DNAJC15: variants seen among roughly 807,000 people sequenced by gnomAD.
The protein encoded by DNAJC15 is DnaJ heat shock protein family (Hsp40) member C15.
DNAJC15 carries 27 observed loss-of-function variants against 22.4 expected under a neutral mutation model. The observed-to-expected ratio is 1.20, with a 90% CI of 0.89 to 1.66. The LOEUF (loss-of-function observed/expected upper bound fraction) is 1.66. Among genes scored for constraint, DNAJC15 ranks in the 40% most tolerant of loss-of-function variants. The pLI is 0.00. For missense variants in DNAJC15, 208 were observed against 187.1 expected (o/e 1.11, Z -0.65); for synonymous variants, 79 against 63.2 (o/e 1.25, Z -1.19).
intron 5 of DNAJC15, among the ~76,000 whole-genome samples, chr13:43,102,689 A>G (rs1233641305): frequency 6.6e-6 from 1 of 152,124 alleles, no homozygotes; most frequent in Non-Finnish European, 1.5e-5. Flanking sequence ...TGTGTAAGCC[A>G]GTCTTGCATT....
chr13:43,049,893 CAGTTAA>C (rs1488202251), intron 1 of DNAJC15, among the ~76,000 whole-genome samples: 1 of 152,024 alleles, frequency 6.6e-6, no homozygotes, highest in Non-Finnish European at 1.5e-5. Context: ...TATTCTGGGC[CAGTTAA>C]AGTTTTGTTT....
intron 1 of DNAJC15, among the ~76,000 whole-genome samples, chr13:43,046,811 C>G (rs2040479393): frequency 6.6e-6 from 1 of 152,198 alleles, no homozygotes; most frequent in African/African-American, 2.4e-5. Flanking sequence ...CGTCGCAGAC[C>G]TGCCGCTGAC....
intron 1 of DNAJC15, among the ~76,000 whole-genome samples, chr13:43,031,843 T>C (rs534768023): frequency 6.6e-6 from 1 of 152,350 alleles, no homozygotes; most frequent in African/African-American, 2.4e-5. Flanking sequence ...CTTCAACTTC[T>C]TAAATTATGT....
chr13:43,050,713 A>T (rs2040498955), intron 1 of DNAJC15, among the ~76,000 whole-genome samples: 1 of 152,242 alleles, frequency 6.6e-6, no homozygotes, highest in Non-Finnish European at 1.5e-5. Context: ...AAATTAAAAT[A>T]CAAAGAGAGG....
chr13:43,090,821 C>A (rs958045702), intron 5 of DNAJC15, among the ~76,000 whole-genome samples: 1 of 151,666 alleles, frequency 6.6e-6, no homozygotes, highest in African/African-American at 2.4e-5. Context: ...CATTCTCCTG[C>A]CTCAGCCTCC....
At position 43,108,035 on chromosome 13, in the gene DNAJC15, A is replaced by C. The variant is rs1322799077; in HGVS notation, c.*787A>C. Reference sequence around the variant, plus strand: ...CGTCCCCTGAGAGTTGCAAGTATGAAGCAGTCATGGATCATGAACCAAAGG... The same window carrying C: ...CGTCCCCTGAGAGTTGCAAGTATGACGCAGTCATGGATCATGAACCAAAGG... On this transcript the variant is annotated 3_prime_UTR_variant, in exon 6 of 6. Coordinates refer to ENST00000379221, the MANE Select transcript of DNAJC15 (RefSeq NM_013238.3). 6.6e-6 allele frequency: 1 copy of C among 152,646 alleles called. No individual in the cohort carries two copies. The allele number at this position is 152,646 out of a possible 1,614,324, so 9.5% of individuals were successfully genotyped here.
rs569703881 is a variant in DNAJC15 at position 43,110,213 on chromosome 13, A to T, written c.*2965A>T. 6.6e-6 allele frequency: 1 copy of T among 152,286 alleles called. No homozygotes were observed. Among genetic ancestry groups the T allele is most frequent in the East Asian group, 1.9e-4 (1 of 5,178 alleles). 9.4% of individuals were successfully genotyped at this position (152,286 alleles called of 1,614,324 possible). ...TTTCTGCACAGGTTCCTCTTTACAT[A>T]GGCTTCTCAACAGGGCTACTAGAGC... On this transcript the variant is annotated 3_prime_UTR_variant, in exon 6 of 6. Coordinates refer to ENST00000379221, the MANE Select transcript of DNAJC15 (RefSeq NM_013238.3).
rs1404598207 is a variant in DNAJC15 at position 43,109,247 on chromosome 13, CTT to C, written c.*2000_*2001del. On this transcript the variant is annotated 3_prime_UTR_variant, in exon 6 of 6. Transcript: ENST00000379221. ...TAGCTTGGTACCTTGTGAAGCAACT[CTT>C]GGTGTAACATACCTTATTTCTCATA... 6.6e-6 allele frequency: 1 copy of C among 152,182 alleles called. No individual in the cohort carries two copies. Among genetic ancestry groups the C allele is most frequent in the African/African-American group, 2.4e-5 (1 of 41,446 alleles). 9.4% of individuals were successfully genotyped at this position (152,182 alleles called of 1,614,324 possible).
rs75033929 is a variant in DNAJC15, at chr13:43,104,090, C to T, written c.383-3088C>T. Among the ~76,000 whole-genome samples the T allele has an allele frequency of 3.2e-4, 49 of 152,108 alleles. No homozygotes were observed. In the East Asian group the frequency reaches 3.7e-3, roughly 11 times the overall value. ...ATAGAATAAAATGCACCCATTTAAA[C>T]GCACAATTTGACAAGTTCTGGCAAA... is the stretch of plus-strand genomic sequence containing the variant. On this transcript the variant is annotated intron_variant, in intron 5 of 5. Transcript: ENST00000379221.
At chr13:43,046,980 C>T (rs1189207603) in intron 1 of DNAJC15, among the ~76,000 whole-genome samples, 1 of 152,160 alleles carries the variant, frequency 6.6e-6, no homozygotes, top group Non-Finnish European at 1.5e-5. Flanking sequence ...CGTTCTCTTC[C>T]ATGACCCACA....
chr13:43,027,399 T>G (rs1423363343), intron 1 of DNAJC15, among the ~76,000 whole-genome samples: 1 of 152,020 alleles, frequency 6.6e-6, no homozygotes, highest in African/African-American at 2.4e-5. Context: ...CTCTCCCTCC[T>G]CCCACCCCCA....
intron 1 of DNAJC15, among the ~76,000 whole-genome samples, chr13:43,040,748 G>C (rs1426138448): frequency 1.3e-5 from 2 of 152,204 alleles, no homozygotes; most frequent in African/African-American, 4.8e-5. Context: ...CTCGGAGAGG[G>C]GGATGTGGCA....
intron 5 of DNAJC15, among the ~76,000 whole-genome samples, chr13:43,102,872 T>C (rs886843124): frequency 2.0e-5 from 3 of 150,086 alleles, no homozygotes; most frequent in Admixed American, 6.6e-5. Context: ...TTAAAGTGTT[T>C]TCTTTCTCTT....
intron 5 of DNAJC15, among the ~76,000 whole-genome samples, chr13:43,091,921 A>G (rs557333209): frequency 1.3e-5 from 2 of 152,296 alleles, no homozygotes; most frequent in East Asian, 1.9e-4. Context: ...AATCTAGCAT[A>G]TGGTCAATTT....
intron 5 of DNAJC15, among the ~76,000 whole-genome samples, chr13:43,106,723 T>C (rs1013091671): frequency 6.6e-6 from 1 of 151,928 alleles, no homozygotes; most frequent in Non-Finnish European, 1.5e-5. Context: ...AAGACTTGAT[T>C]AATACTTTAA....
At chr13:43,072,296 TC>T (rs1455318409) in intron 3 of DNAJC15, among the ~76,000 whole-genome samples, 1 of 152,192 alleles carries the variant, frequency 6.6e-6, no homozygotes, top group African/African-American at 2.4e-5. Flanking sequence ...GGTCTTTAGT[TC>T]TGTAAGATTT....
intron 5 of DNAJC15, among the ~76,000 whole-genome samples, chr13:43,106,559 A>G (rs909145176): frequency 2.0e-5 from 3 of 152,130 alleles, no homozygotes; most frequent in Non-Finnish European, 2.9e-5. Context: ...ATTCGAATAG[A>G]ATCATTTCAG....
intron 1 of DNAJC15, among the ~76,000 whole-genome samples, chr13:43,027,756 A>G (rs553614367): frequency 6.6e-6 from 1 of 151,818 alleles, no homozygotes; most frequent in South Asian, 2.1e-4. Context: ...TCACAGGTTC[A>G]CCTGAGTCTC....
chr13:43,056,902 A>C (rs2040534145), intron 1 of DNAJC15, among the ~76,000 whole-genome samples: 1 of 152,154 alleles, frequency 6.6e-6, no homozygotes. Flanking sequence ...GTGAATGTGA[A>C]AATTGTTTTG....
Sources: allele counts gnomAD v4.1 joint callset (sites outside exome capture counted in the v4.1 genomes callset), GRCh38; gene constraint gnomAD v4.1.1; transcripts MANE v1.5; gene names NCBI Gene and HGNC (gene_info 2026-07-23, HGNC 2026-07-21).